CDH12: variants seen among roughly 807,000 people sequenced by gnomAD.
CDH12 encodes the protein cadherin-12.
A neutral mutation model predicts 74.1 loss-of-function variants in CDH12; 41 were observed. That is an observed-to-expected ratio of 0.55 (90% confidence interval 0.43 to 0.72). The LOEUF is 0.72. CDH12 is among the 30% of genes least tolerant of loss of function. The pLI is 0.00. For synonymous variants in CDH12, 399 were observed against 355.0 expected, an observed-to-expected ratio of 1.12 and a Z score of -1.39; for missense variants, 945 against 977.2, an observed-to-expected ratio of 0.97 and a Z score of 0.44.
At chr5:22,772,584 C>T (rs2126315006) in intron 1 of CDH12, among the ~76,000 whole-genome samples, 1 of 152,200 alleles carries the variant, frequency 6.6e-6, no homozygotes, top group Non-Finnish European at 1.5e-5. Context: ...TTAATTCCTG[C>T]TTGTATCTCA....
At chr5:22,359,738 C>T (rs945147805) in intron 3 of CDH12, among the ~76,000 whole-genome samples, 1 of 152,112 alleles carries the variant, frequency 6.6e-6, no homozygotes, top group Non-Finnish European at 1.5e-5. Context: ...GTCTCTCAGA[C>T]CACAGTGCAA....
intron 4 of CDH12, among the ~76,000 whole-genome samples, chr5:22,095,482 G>C (rs1251048647): frequency 6.6e-6 from 1 of 152,064 alleles, no homozygotes; most frequent in Non-Finnish European, 1.5e-5. Flanking sequence ...GACCATGCGA[G>C]AACACCTGCC....
chr5:21,988,580 A>G (rs1209853883), intron 5 of CDH12, among the ~76,000 whole-genome samples: 1 of 151,668 alleles, frequency 6.6e-6, no homozygotes, highest in Non-Finnish European at 1.5e-5. Flanking sequence ...TTCAGGGTAT[A>G]AGAAGAAATC....
intron 1 of CDH12, among the ~76,000 whole-genome samples, chr5:22,832,638 T>G (rs1432884862): frequency 6.6e-6 from 1 of 152,128 alleles, no homozygotes; most frequent in African/African-American, 2.4e-5. Flanking sequence ...TAAATCTAAT[T>G]ATAACACAGA....
intron 3 of CDH12, among the ~76,000 whole-genome samples, chr5:22,286,811 T>G (rs917891582): frequency 1.3e-5 from 2 of 152,158 alleles, no homozygotes; most frequent in Admixed American, 1.3e-4. Flanking sequence ...AAAAGACATT[T>G]TGTATCATGT....
intron 3 of CDH12, among the ~76,000 whole-genome samples, chr5:22,349,837 C>A (rs1393412686): frequency 4.6e-5 from 7 of 152,120 alleles, no homozygotes; most frequent in Non-Finnish European, 1.0e-4. Context: ...CGGGTTCAGG[C>A]CATTCTCCTG....
In CDH12 at chr5:22,533,466, G is replaced by A. The variant is rs192588933; in HGVS notation, c.-522-28102C>T. ...AGAGACTTGTTTTCTATATAAGAAG[G>A]TCTTAGAGACTTGCTACTTGACCTT... On this transcript the variant is annotated intron_variant, in intron 1 of 14. Transcript: ENST00000382254. Among the ~76,000 whole-genome samples, 5 of 152,266 alleles carry A rather than the reference G, an allele frequency of 3.3e-5. No individual in the cohort carries two copies. The East Asian group carries it at 9.6e-4, about 29-fold the overall frequency.
At chr5:22,149,737 G>A (rs1747441705) in intron 4 of CDH12, among the ~76,000 whole-genome samples, 1 of 152,090 alleles carries the variant, frequency 6.6e-6, no homozygotes, top group African/African-American at 2.4e-5. Context: ...CTCCCAAAGT[G>A]TTGGGATTAC....
At chr5:22,424,426 T>C (rs1027295160) in intron 2 of CDH12, among the ~76,000 whole-genome samples, 2 of 152,130 alleles carry the variant, frequency 1.3e-5, no homozygotes, top group African/African-American at 4.8e-5. Flanking sequence ...CAGTTACCCC[T>C]GCTGATCGAG....
At chr5:22,412,146 C>T (rs1473323107) in intron 2 of CDH12, among the ~76,000 whole-genome samples, 1 of 151,938 alleles carries the variant, frequency 6.6e-6, no homozygotes, top group African/African-American at 2.4e-5. Context: ...CATGCCATCA[C>T]TGTCTTCCTG....
chr5:22,690,295 G>A (rs1742016257), intron 1 of CDH12, among the ~76,000 whole-genome samples: 1 of 151,992 alleles, frequency 6.6e-6, no homozygotes, highest in Non-Finnish European at 1.5e-5. Flanking sequence ...GATAAAACAG[G>A]GTATGGGAAT....
At chr5:22,090,146 C>G (rs887166732) in intron 4 of CDH12, among the ~76,000 whole-genome samples, 2 of 151,630 alleles carry the variant, frequency 1.3e-5, no homozygotes, top group African/African-American at 4.8e-5. Flanking sequence ...TTAACAAATG[C>G]TTAGTTATAA....
intron 5 of CDH12, among the ~76,000 whole-genome samples, chr5:22,050,511 A>G (rs1740285844): frequency 6.6e-6 from 1 of 152,132 alleles, no homozygotes. Flanking sequence ...TTATTATTAC[A>G]ATTTTCTAAT....
chr5:22,258,321 G>T (rs1456625429), intron 3 of CDH12, among the ~76,000 whole-genome samples: 3 of 152,060 alleles, frequency 2.0e-5, no homozygotes, highest in Non-Finnish European at 4.4e-5. Context: ...CAAAAGGCTG[G>T]TAGAGACAGT....
At chr5:22,534,209 T>C (rs1266413322) in intron 1 of CDH12, among the ~76,000 whole-genome samples, 3 of 152,096 alleles carry the variant, frequency 2.0e-5, no homozygotes, top group Non-Finnish European at 2.9e-5. Flanking sequence ...TTTTAATTTT[T>C]TTATTTCCGT....
chr5:22,545,674 C>G (rs1434474497), intron 1 of CDH12, among the ~76,000 whole-genome samples: 1 of 152,070 alleles, frequency 6.6e-6, no homozygotes, highest in African/African-American at 2.4e-5. Context: ...ACATTTTAAT[C>G]CATAAATTAT....
At position 21,863,668 on chromosome 5, in the gene CDH12, T is replaced by C. The variant is rs77929786; in HGVS notation, c.527-8878A>G. Among the ~76,000 whole-genome samples, 1,352 of 152,252 alleles carry C rather than the reference T, an allele frequency of 8.9e-3. 20 individuals are homozygous for C. Among genetic ancestry groups the C allele is most frequent in the African/African-American group, 0.031 (1,280 of 41,552 alleles). On this transcript the variant is annotated intron_variant, in intron 6 of 14. Transcript: ENST00000382254. The stretch of plus-strand genomic sequence containing the variant: ...TCATTTTCAATACTAAATTGGGGGT[T>C]CTGCTGATATTGAATTTTCTAATGT...
intron 1 of CDH12, among the ~76,000 whole-genome samples, chr5:22,626,380 C>T (rs927697161): frequency 6.6e-6 from 1 of 152,154 alleles, no homozygotes; most frequent in Non-Finnish European, 1.5e-5. Context: ...TCATCTCAAC[C>T]TCTTAAATGC....
chr5:22,512,869 C>T (rs1160213646), intron 1 of CDH12, among the ~76,000 whole-genome samples: 1 of 152,034 alleles, frequency 6.6e-6, no homozygotes, highest in Non-Finnish European at 1.5e-5. Context: ...CAAGACTAGC[C>T]TGGTCAACGT....
Sources: allele counts gnomAD v4.1 joint callset (sites outside exome capture counted in the v4.1 genomes callset), GRCh38; gene constraint gnomAD v4.1.1; transcripts MANE v1.5; gene names NCBI Gene and HGNC (gene_info 2026-07-23, HGNC 2026-07-21).